The following STAT5B variants were observed in gnomAD, a reference collection of about 807,000 sequenced individuals.
STAT5B encodes the protein signal transducer and activator of transcription 5B.
STAT5B carries 21 observed loss-of-function variants against 107.8 expected under a neutral mutation model. That is an observed-to-expected ratio of 0.19 (90% CI 0.14 to 0.28). STAT5B has a LOEUF of 0.28. Ranked by LOEUF, STAT5B falls within the 10% of genes least tolerant of loss-of-function variation. The probability of loss-of-function intolerance (pLI) is 1.00; values close to 1 mark genes in which losing one functional copy is unlikely to be tolerated. For missense variants in STAT5B, 565 were observed against 1,008.2 expected, an observed-to-expected ratio of 0.56 and a Z score of 5.95; for synonymous variants, 325 against 401.7, an observed-to-expected ratio of 0.81 and a Z score of 2.28.
At chr17:42,246,646 T>C (rs1319020683) in intron 1 of STAT5B, among the ~76,000 whole-genome samples, 2 of 152,112 alleles carry the variant, frequency 1.3e-5, no homozygotes, top group African/African-American at 2.4e-5. Flanking sequence ...AAAAACTTTC[T>C]AGCTGGGCAT....
In STAT5B at chr17:42,207,520, CACACAA is replaced by C. The variant is rs756675884; in HGVS notation, c.2077+32_2077+37del. 4.9e-5 allele frequency: 76 copies of C among 1,564,758 alleles called. No individual in the cohort carries two copies. In the African/African-American group the frequency reaches 1.1e-3, roughly 23 times the overall value. ...ACACACACACACACACACACACACA[CACACAA>C]CAAAATCAAATCAGAATGCGAACAT... On this transcript the variant is annotated intron_variant, in intron 16 of 18. Transcript: ENST00000293328.
At chr17:42,240,273 G>A (rs2080391253) in intron 1 of STAT5B, among the ~76,000 whole-genome samples, 1 of 152,182 alleles carries the variant, frequency 6.6e-6, no homozygotes, top group Admixed American at 6.5e-5. Context: ...AATATGGATA[G>A]GAATGGATAA....
intron 16 of STAT5B, among the ~76,000 whole-genome samples, chr17:42,204,427 T>C (rs1158790864): frequency 2.0e-5 from 3 of 152,302 alleles, no homozygotes; most frequent in Admixed American, 6.5e-5. Flanking sequence ...GACAAGGAGC[T>C]TGTCATTTAA....
At chr17:42,223,301 T>G (rs1362732582) in intron 5 of STAT5B, 81 bp downstream of exon 5, 12 of 1,606,246 alleles carry the variant, frequency 7.5e-6, no homozygotes, top group Non-Finnish European at 9.4e-6. Context: ...AAAGTGTGCT[T>G]TCTCCCAACC....
At chr17:42,253,800 C>T (rs1198274289) in intron 1 of STAT5B, among the ~76,000 whole-genome samples, 1 of 152,144 alleles carries the variant, frequency 6.6e-6, no homozygotes, top group Non-Finnish European at 1.5e-5. Context: ...CTTTGCCTCC[C>T]AAAGTGCTGG....
intron 1 of STAT5B, among the ~76,000 whole-genome samples, chr17:42,266,708 T>C (rs903407295): frequency 6.6e-6 from 1 of 150,592 alleles, no homozygotes; most frequent in Non-Finnish European, 1.5e-5. Context: ...CCTGTCTCTA[T>C]TTTTTTTTAA....
chr17:42,259,254 G>A lies in STAT5B; in HGVS notation c.-11+16994C>T, dbSNP rs140484053. On this transcript the variant is annotated intron_variant, in intron 1 of 18. Transcript: ENST00000293328. ...TGGGCTCAAGCGATCCTCCCACCTT[G>A]GCCTCCCAAAGTGTTGGGATTACAG... Among the ~76,000 whole-genome samples, 598 of 152,220 alleles carry A rather than the reference G, an allele frequency of 3.9e-3. 5 individuals are homozygous for A. Among genetic ancestry groups the A allele is most frequent in the African/African-American group, 0.014 (579 of 41,548 alleles).
In STAT5B at chr17:42,272,705, T is replaced by C. The variant is rs981602100; in HGVS notation, c.-11+3543A>G. ...ATGTGACACTACAAGAAGGTTAACA[T>C]GTGGACCTAATTTTGAAAATACAAA... On this transcript the variant is annotated intron_variant, in intron 1 of 18. Transcript: ENST00000293328. 4 of 152,138 alleles carry C rather than the reference T, an allele frequency of 2.6e-5. No individual in the cohort carries two copies. The East Asian group carries it at 7.7e-4, about 29-fold the overall frequency. The allele number at this position is 152,138 out of a possible 1,614,324, so 9.4% of individuals were successfully genotyped here.
rs529836139 is a variant in STAT5B at position 42,218,591 on chromosome 17, G to A, written c.989+132C>T. ...CAGGAGAAACTGGGCAAGGGCCACAGCAACTGGAGATGGAGTTGGGAGGGA... is the reference window on the plus strand; with the variant it reads ...CAGGAGAAACTGGGCAAGGGCCACAACAACTGGAGATGGAGTTGGGAGGGA... On this transcript the variant is annotated intron_variant, in intron 8 of 18. Transcript: ENST00000293328. 5.2e-6 allele frequency: 8 copies of A among 1,549,616 alleles called. No individual in the cohort carries two copies. The East Asian group carries it at 1.7e-4, about 32-fold the overall frequency.
At chr17:42,220,831 C>T (rs2080219590) in intron 5 of STAT5B, among the ~76,000 whole-genome samples, 1 of 152,128 alleles carries the variant, frequency 6.6e-6, no homozygotes, top group Non-Finnish European at 1.5e-5. Context: ...GAACGTGGAA[C>T]ACAGGAGCAC....
intron 1 of STAT5B, among the ~76,000 whole-genome samples, chr17:42,274,287 A>G (rs978090594): frequency 3.5e-5 from 4 of 112,918 alleles, no homozygotes; most frequent in Admixed American, 1.6e-4. Flanking sequence ...TTTACAAAAA[A>G]AAAAAAAAAA....
intron 5 of STAT5B, among the ~76,000 whole-genome samples, chr17:42,222,074 GGT>G (rs1156484102): frequency 1.4e-5 from 2 of 143,714 alleles, no homozygotes; most frequent in African/African-American, 5.2e-5. Context: ...TGCTGTGTGT[GGT>G]GTGTGTGTGC....
Position 42,202,792 on chromosome 17 carries a change from T to G in STAT5B, c.2094A>C (p.Gly698=). The change falls in exon 17 of 19, where the codon GGA becomes GGC. Residue 698 remains glycine (G), a synonymous_variant. Transcript: ENST00000293328. ...CESATAKAVD[G]YVKPQIKQVV... ...CTTGCTTGATCTGTGGCTTCACGTATCCATCAACAGCTTTAGCTGCCAAGG... is the reference window on the plus strand; with the variant it reads ...CTTGCTTGATCTGTGGCTTCACGTAGCCATCAACAGCTTTAGCTGCCAAGG... 6.2e-7 allele frequency: 1 copy of G among 1,614,192 alleles called. No individual in the cohort carries two copies. The highest frequency in any genetic ancestry group is 1.1e-5 in the South Asian group (1 of 91,086).
intron 5 of STAT5B, among the ~76,000 whole-genome samples, chr17:42,222,196 T>C (rs1365834680): frequency 2.0e-5 from 3 of 151,200 alleles, no homozygotes; most frequent in African/African-American, 7.3e-5. Flanking sequence ...GTTGTCTGTG[T>C]GTGCTGTGTG....
chr17:42,207,772 G>A, intron 15 of STAT5B, 44 bp from the exon 16 acceptor site: 1 of 1,603,146 alleles, frequency 6.2e-7, no homozygotes, highest in Middle Eastern at 1.7e-4. Context: ...CATGATTTCT[G>A]AATTAGGAAA....
At chr17:42,242,536 C>T (rs968146739) in intron 1 of STAT5B, among the ~76,000 whole-genome samples, 7 of 152,108 alleles carry the variant, frequency 4.6e-5, no homozygotes, top group South Asian at 2.1e-4. Context: ...AAAGAATACA[C>T]AAACTAAATC....
At chr17:42,262,914 ATATG>A (rs1289637805) in intron 1 of STAT5B, among the ~76,000 whole-genome samples, 1 of 119,454 alleles carries the variant, frequency 8.4e-6, no homozygotes, top group African/African-American at 3.0e-5. Context: ...ATGTGTATAT[ATATG>A]TGTGTATATA....
the STAT5B span, among the ~76,000 whole-genome samples, chr17:42,282,038 C>T: frequency 6.6e-6 from 1 of 152,132 alleles, no homozygotes; most frequent in Admixed American, 6.5e-5. Flanking sequence ...GCCAGGGCAG[C>T]AGGGGGAGAG....
At position 42,201,702 on chromosome 17, in the gene STAT5B, G is replaced by A. The variant is rs367656244; in HGVS notation, c.*36C>T. 7.8e-6 allele frequency: 10 copies of A among 1,274,004 alleles called. No homozygotes were observed. The highest frequency in any genetic ancestry group is 1.2e-5 in the South Asian group (1 of 84,396). The allele number at this position is 1,274,004 out of a possible 1,614,324, so 78.9% of individuals were successfully genotyped here. A position where few individuals can be genotyped will look rare whatever the true frequency, so the allele number is the denominator to read the frequency against. On this transcript the variant is annotated 3_prime_UTR_variant, in exon 19 of 19. Coordinates refer to ENST00000293328, the MANE Select transcript of STAT5B (RefSeq NM_012448.4). ...CATCCACAAGAGTGATTCCTCTGGTGAAGATGAAGAAGCTGAAGATGGAGA... is the reference window on the plus strand; with the variant it reads ...CATCCACAAGAGTGATTCCTCTGGTAAAGATGAAGAAGCTGAAGATGGAGA...
Sources: gnomAD v4.1 joint callset for allele counts (sites outside exome capture counted in the v4.1 genomes callset) on GRCh38, gnomAD v4.1.1 for gene constraint, MANE v1.5 for transcripts, NCBI Gene and HGNC (gene_info 2026-07-23, HGNC 2026-07-21) for gene names.